Variants in GMPR observed in about 807,000 individuals in gnomAD.
GMPR encodes the protein guanosine monophosphate reductase.
GMPR carries 31 observed loss-of-function variants against 38.4 expected under a neutral mutation model. The observed-to-expected ratio is 0.81, with a 90% CI of 0.61 to 1.09. GMPR has a LOEUF of 1.09. GMPR is among the 50% of genes least tolerant of loss of function. GMPR has a pLI of 0.00. For missense variants in GMPR, 468 were observed against 453.7 expected, an observed-to-expected ratio of 1.03 and a Z score of -0.29; for synonymous variants, 162 against 173.3, an observed-to-expected ratio of 0.93 and a Z score of 0.51.
chr6:16,254,850 T>C (rs1225628316), intron 4 of GMPR, 115 bp downstream of exon 4: 2 of 697,984 alleles, frequency 2.9e-6, no homozygotes, highest in Non-Finnish European at 5.0e-6. Flanking sequence ...GCCTCTTTAG[T>C]CAAAGATTAA....
At chr6:16,290,259 C>T in intron 7 of GMPR, 1 of 623,132 alleles carries the variant, frequency 1.6e-6, no homozygotes, top group Non-Finnish European at 2.9e-6. Flanking sequence ...TTGTTTCTCG[C>T]AGTGTCCCAT....
chr6:16,261,357 C>T (rs896118502), intron 4 of GMPR, among the ~76,000 whole-genome samples: 5 of 151,854 alleles, frequency 3.3e-5, no homozygotes, highest in African/African-American at 1.2e-4. Context: ...GTCTGTGAAG[C>T]TTTGCAACAG....
chr6:16,249,667 T>A (rs1238202929), intron 2 of GMPR, among the ~76,000 whole-genome samples: 1 of 152,208 alleles, frequency 6.6e-6, no homozygotes. Flanking sequence ...AAGCTAATAA[T>A]GCTGTTCAAA....
chr6:16,275,151 C>T (rs953192352), intron 5 of GMPR, among the ~76,000 whole-genome samples: 1 of 152,116 alleles, frequency 6.6e-6, no homozygotes, highest in Non-Finnish European at 1.5e-5. Context: ...CTTTGCCCTG[C>T]TTGAAGATGA....
chr6:16,290,383 G>C (rs1409365907), intron 7 of GMPR, 79 bp from the exon 8 acceptor site: 2 of 1,303,560 alleles, frequency 1.5e-6, no homozygotes, highest in Non-Finnish European at 2.2e-6. Context: ...AACTGGGCAA[G>C]CACTGGGATT....
chr6:16,282,247 C>G (rs1759586572), intron 6 of GMPR, among the ~76,000 whole-genome samples: 1 of 152,032 alleles, frequency 6.6e-6, no homozygotes, highest in Non-Finnish European at 1.5e-5. Context: ...TTCAGAGAGG[C>G]AGAGGGAGGA....
chr6:16,293,160 C>T (rs1383110589), intron 8 of GMPR, among the ~76,000 whole-genome samples: 1 of 152,190 alleles, frequency 6.6e-6, no homozygotes, highest in Admixed American at 6.5e-5. Context: ...CATTCTCACG[C>T]TGTGCCCGGG....
intron 6 of GMPR, among the ~76,000 whole-genome samples, chr6:16,284,629 G>A (rs1038206206): frequency 6.6e-5 from 10 of 152,206 alleles, no homozygotes; most frequent in Middle Eastern, 3.4e-3. Context: ...CTGCTCCAGC[G>A]TACTGTTGCT....
intron 8 of GMPR, among the ~76,000 whole-genome samples, chr6:16,291,817 A>C (rs893411918): frequency 3.9e-5 from 6 of 151,980 alleles, no homozygotes; most frequent in Non-Finnish European, 7.4e-5. Context: ...AGGCTGAGGC[A>C]GGAAGATGGC....
chr6:16,241,451 G>T (rs1758646640), intron 1 of GMPR, among the ~76,000 whole-genome samples: 1 of 152,166 alleles, frequency 6.6e-6, no homozygotes, highest in Non-Finnish European at 1.5e-5. Context: ...CCTCTGAGAG[G>T]CAAAGAATAC....
intron 4 of GMPR, among the ~76,000 whole-genome samples, chr6:16,256,795 G>A (rs1435436189): frequency 6.6e-6 from 1 of 152,152 alleles, no homozygotes; most frequent in African/African-American, 2.4e-5. Context: ...CTAATATTTG[G>A]TCATTGATCC....
chr6:16,249,052 A>G (rs746310754), intron 2 of GMPR, among the ~76,000 whole-genome samples: 4 of 152,152 alleles, frequency 2.6e-5, no homozygotes, highest in African/African-American at 7.2e-5. Flanking sequence ...GTAGCCCCAG[A>G]GAAGTTAGGT....
intron 4 of GMPR, among the ~76,000 whole-genome samples, chr6:16,267,207 CA>C (rs762696740): frequency 2.0e-5 from 3 of 151,478 alleles, no homozygotes; most frequent in Admixed American, 6.6e-5. Context: ...ACTAAAAGTA[CA>C]AAAAAAAGAA....
chr6:16,261,714 A>C (rs1324375095), intron 4 of GMPR, among the ~76,000 whole-genome samples: 5 of 152,012 alleles, frequency 3.3e-5, no homozygotes, highest in Non-Finnish European at 4.4e-5. Flanking sequence ...TAATCCTTTC[A>C]AAGCATGCTG....
At chr6:16,286,778 C>T (rs1192303287) in intron 7 of GMPR, among the ~76,000 whole-genome samples, 2 of 151,746 alleles carry the variant, frequency 1.3e-5, no homozygotes, top group Non-Finnish European at 2.9e-5. Flanking sequence ...TGGTGGTGCA[C>T]GCCTGTAATC....
At chr6:16,286,716 G>A (rs1759688516) in intron 7 of GMPR, among the ~76,000 whole-genome samples, 1 of 151,812 alleles carries the variant, frequency 6.6e-6, no homozygotes, top group South Asian at 2.1e-4. Flanking sequence ...TTTGAGACCA[G>A]CCTGGACAAT....
intron 6 of GMPR, among the ~76,000 whole-genome samples, chr6:16,281,501 TTTTA>T (rs1759573313): frequency 6.6e-6 from 1 of 152,062 alleles, no homozygotes; most frequent in Non-Finnish European, 1.5e-5. Flanking sequence ...TACTTTTTTA[TTTTA>T]TTTATTTTTT....
chr6:16,287,660 C>T (rs1759713054), intron 7 of GMPR, among the ~76,000 whole-genome samples: 1 of 152,196 alleles, frequency 6.6e-6, no homozygotes, highest in Non-Finnish European at 1.5e-5. Context: ...AGGTGCTGTG[C>T]TCCTGAATTG....
chr6:16,239,019 G>A (rs1337413973), intron 1 of GMPR, among the ~76,000 whole-genome samples: 2 of 152,200 alleles, frequency 1.3e-5, no homozygotes, highest in East Asian at 3.9e-4. Flanking sequence ...CCTAGGGGAA[G>A]TTCACAGTGA....
Sources: gnomAD v4.1 joint callset for allele counts (sites outside exome capture counted in the v4.1 genomes callset) on GRCh38, gnomAD v4.1.1 for gene constraint, MANE v1.5 for transcripts, NCBI Gene and HGNC (gene_info 2026-07-23, HGNC 2026-07-21) for gene names.